The following PDE10A variants were observed in gnomAD, a reference collection of about 807,000 sequenced individuals.
PDE10A encodes cAMP and cAMP-inhibited cGMP 3',5'-cyclic phosphodiesterase 10A.
PDE10A carries 39 observed loss-of-function variants against 97.7 expected under a neutral mutation model. That is an observed-to-expected ratio of 0.40 (90% CI 0.31 to 0.52). The LOEUF (loss-of-function observed/expected upper bound fraction) is 0.52, where lower values mean the gene tolerates loss of function less well. Among genes scored for constraint, PDE10A ranks in the 20% least tolerant of loss-of-function variants. PDE10A has a pLI of 0.56. For synonymous variants in PDE10A, 371 were observed against 376.8 expected, an observed-to-expected ratio of 0.98 and a Z score of 0.18; for missense variants, 731 against 1,047.8, an observed-to-expected ratio of 0.70 and a Z score of 4.17.
chr6:165,527,794 A>G (rs1427592531), intron 2 of PDE10A, among the ~76,000 whole-genome samples: 1 of 152,318 alleles, frequency 6.6e-6, no homozygotes, highest in South Asian at 2.1e-4. Context: ...CACTCCTGCC[A>G]TCTGCCTTCT....
intron 1 of PDE10A, among the ~76,000 whole-genome samples, chr6:165,599,066 C>G (rs142734472): frequency 6.6e-6 from 1 of 152,318 alleles, no homozygotes; most frequent in Non-Finnish European, 1.5e-5. Flanking sequence ...CTCATATATT[C>G]TAATCTATCT....
At chr6:165,492,321 G>C (rs1780274643) in intron 2 of PDE10A, among the ~76,000 whole-genome samples, 2 of 152,108 alleles carry the variant, frequency 1.3e-5, no homozygotes, top group Non-Finnish European at 2.9e-5. Flanking sequence ...TATTCCACAA[G>C]ATAGAGAAAG....
At chr6:165,444,985 T>C (rs925078332) in intron 5 of PDE10A, among the ~76,000 whole-genome samples, 3 of 142,272 alleles carry the variant, frequency 2.1e-5, no homozygotes, top group African/African-American at 7.6e-5. Context: ...CACTATAGTA[T>C]ATAATTTTTG....
In PDE10A at chr6:165,458,685, TCACA is replaced by T. The variant is rs374702289; in HGVS notation, c.1024-8327_1024-8324del. Among the ~76,000 whole-genome samples the T allele has an allele frequency of 6.1e-5, 9 of 148,128 alleles. No homozygotes were observed. In the South Asian group the frequency reaches 1.1e-3, roughly 17 times the overall value. On this transcript the variant is annotated intron_variant, in intron 3 of 21. Transcript: ENST00000539869. Reference sequence around the variant, plus strand: ...CAGGCGCACGCACACACACACACACTCACACACACACACACGTTTTATAAATATG... The same window carrying T: ...CAGGCGCACGCACACACACACACACTCACACACACACGTTTTATAAATATG...
chr6:165,954,047 A>G (rs182991256), intron 1 of PDE10A, among the ~76,000 whole-genome samples: 1 of 152,282 alleles, frequency 6.6e-6, no homozygotes, highest in East Asian at 1.9e-4. Context: ...AGTAATGTGT[A>G]TTTGGGGTTC....
chr6:165,858,083 A>G (rs1185144941), intron 1 of PDE10A, among the ~76,000 whole-genome samples: 2 of 152,218 alleles, frequency 1.3e-5, no homozygotes, highest in South Asian at 2.1e-4. Flanking sequence ...TTTAACTTCC[A>G]TGAGTACTGT....
intron 1 of PDE10A, among the ~76,000 whole-genome samples, chr6:165,641,581 A>C (rs1250540600): frequency 6.6e-6 from 1 of 152,242 alleles, no homozygotes; most frequent in Non-Finnish European, 1.5e-5. Context: ...GATAACCCAC[A>C]GTCAGAGCGG....
At chr6:165,656,254 TCTCTCACACACA>T (rs1458469535) in intron 1 of PDE10A, among the ~76,000 whole-genome samples, 5 of 101,086 alleles carry the variant, frequency 4.9e-5, no homozygotes, top group South Asian at 3.6e-4. Flanking sequence ...TCTCTCTCTC[TCTCTCACACACA>T]CACACACACA....
intron 3 of PDE10A, among the ~76,000 whole-genome samples, chr6:165,455,758 C>T (rs985277512): frequency 5.9e-5 from 9 of 152,268 alleles, no homozygotes; most frequent in East Asian, 1.9e-4. Flanking sequence ...GCCTTGTGGG[C>T]CCTACTTGCT....
intron 1 of PDE10A, among the ~76,000 whole-genome samples, chr6:165,674,617 T>C (rs965509971): frequency 6.6e-6 from 1 of 152,182 alleles, no homozygotes; most frequent in Admixed American, 6.5e-5. Flanking sequence ...AATGATCTTT[T>C]CGCCTAACTC....
At chr6:165,892,922 C>G (rs2461724) in intron 1 of PDE10A, among the ~76,000 whole-genome samples, 2 of 152,302 alleles carry the variant, frequency 1.3e-5, no homozygotes, top group South Asian at 4.1e-4. Context: ...AGCTCCTACT[C>G]GCTCCAGCCT....
At chr6:165,981,623 C>A (rs78774018) in intron 1 of PDE10A, among the ~76,000 whole-genome samples, 2,492 of 152,318 alleles carry the variant, frequency 0.016, 60 homozygotes, top group African/African-American at 0.051. Context: ...CCTCCTTCAC[C>A]TTCTTTGGCC....
rs557056099 is a variant in PDE10A at position 165,931,777 on chromosome 6, T to C, written c.-615+55752A>G. Among the ~76,000 whole-genome samples, 3 of 152,314 alleles carry C rather than the reference T, an allele frequency of 2.0e-5. No homozygotes were observed. The South Asian group carries it at 6.2e-4, about 32-fold the overall frequency. ...ACAAAGACCCAGCTCTCCTAGGGGC[T>C]GTCTCCCGACAGTCACTTCTCCTCC... On this transcript the variant is annotated intron_variant, in intron 1 of 19. Coordinates refer to the PDE10A transcript ENST00000366882.
chr6:165,351,458 C>T (rs1453616611), intron 18 of PDE10A, among the ~76,000 whole-genome samples: 1 of 152,078 alleles, frequency 6.6e-6, no homozygotes, highest in Non-Finnish European at 1.5e-5. Flanking sequence ...ACAAAAAATG[C>T]CAACAATCAA....
In PDE10A at chr6:165,435,368, T is replaced by C. The variant is rs751106838; in HGVS notation, c.1204A>G (p.Ile402Val). 3 of 1,613,894 alleles carry C rather than the reference T, an allele frequency of 1.9e-6. No homozygotes were observed. Among genetic ancestry groups the C allele is most frequent in the East Asian group, 2.2e-5 (1 of 44,860 alleles). Residue 402 changes from isoleucine to valine, a missense_variant, in exon 6 of 22, where the codon ATA becomes GTA. This residue lies in a region of PDE10A where 152 missense variants were observed against 199.3 expected (regional missense o/e 0.76). Coordinates refer to ENST00000539869, the MANE Select transcript of PDE10A (RefSeq NM_001385079.1). ...FLGECNNSLCIFTPPGIKEGK... is the reference protein window; with the variant it reads ...FLGECNNSLCVFTPPGIKEGK... ...TCCTTTATCCCAGGTGGCGTGAATATACACAGGCTCTAGGGAGAAGAAAAG... is the reference window on the plus strand; with the variant it reads ...TCCTTTATCCCAGGTGGCGTGAATACACACAGGCTCTAGGGAGAAGAAAAG...
intron 17 of PDE10A, among the ~76,000 whole-genome samples, chr6:165,379,636 T>G (rs376279579): frequency 2.6e-5 from 4 of 152,174 alleles, no homozygotes; most frequent in African/African-American, 9.7e-5. Flanking sequence ...AAAACCCCAG[T>G]GATTTAAATA....
At chr6:165,953,921 T>C (rs191772260) in intron 1 of PDE10A, among the ~76,000 whole-genome samples, 40 of 152,280 alleles carry the variant, frequency 2.6e-4, no homozygotes, top group Middle Eastern at 6.8e-3. Context: ...CCTCTTCATC[T>C]CTCCATCCTC....
chr6:165,783,199 AAAGT>A (rs1778392098), intron 1 of PDE10A, among the ~76,000 whole-genome samples: 1 of 152,238 alleles, frequency 6.6e-6, no homozygotes, highest in Non-Finnish European at 1.5e-5. Context: ...AGTGGCTGCT[AAAGT>A]AATAACAGAG....
rs1326920598 is a variant in PDE10A, at chr6:165,655,033, G to A, written c.865+6914C>T. Among the ~76,000 whole-genome samples, 1 of 152,194 alleles carries A rather than the reference G, an allele frequency of 6.6e-6. No homozygotes were observed. Among genetic ancestry groups the A allele is most frequent in the Non-Finnish European group, 1.5e-5 (1 of 68,040 alleles). ...TCAACGACTACCTTGGTGTTGCAGAGTCCAAATCTCTCTTTCTACTCCGGC... is the reference window on the plus strand; with the variant it reads ...TCAACGACTACCTTGGTGTTGCAGAATCCAAATCTCTCTTTCTACTCCGGC... On this transcript the variant is annotated intron_variant, in intron 1 of 21. Coordinates refer to ENST00000539869, the MANE Select transcript of PDE10A (RefSeq NM_001385079.1). The surrounding 1 kb of genome is among the most constrained non-coding windows in gnomAD (Gnocchi z 4.5).
Sources: gnomAD v4.1 joint callset for allele counts (sites outside exome capture counted in the v4.1 genomes callset) on GRCh38, gnomAD v4.1.1 for gene constraint, gnomAD v4.1.1 regional missense constraint, Gnocchi (gnomAD v3.1) non-coding constraint, MANE v1.5 for transcripts, NCBI Gene and HGNC (gene_info 2026-07-23, HGNC 2026-07-21) for gene names.